The following CDC42BPA variants were observed in gnomAD, a reference collection of about 807,000 sequenced individuals.
CDC42BPA encodes CDC42 binding protein kinase alpha.
A neutral mutation model predicts 223.5 loss-of-function variants in CDC42BPA; 80 were observed. That is an observed-to-expected ratio of 0.36 (90% CI 0.30 to 0.43). CDC42BPA has a LOEUF of 0.43. Ranked by LOEUF, CDC42BPA falls within the 20% of genes least tolerant of loss-of-function variation. CDC42BPA has a pLI of 1.00. For synonymous variants in CDC42BPA, 694 were observed against 718.6 expected (o/e 0.97, Z 0.55); for missense variants, 1,743 against 2,099.9 (o/e 0.83, Z 3.32).
At chr1:227,137,219 T>G (rs1033651495) in intron 10 of CDC42BPA, among the ~76,000 whole-genome samples, 1 of 152,010 alleles carries the variant, frequency 6.6e-6, no homozygotes, top group African/African-American at 2.4e-5. Context: ...GAACCAAAAC[T>G]TCACAAGACT....
At position 227,154,014 on chromosome 1, in the gene CDC42BPA, G is replaced by A. The variant is rs78389271; in HGVS notation, c.694-6455C>T. Among the ~76,000 whole-genome samples the A allele has an allele frequency of 5.3e-3, 811 of 151,908 alleles. 7 individuals carry two copies. The highest frequency in any genetic ancestry group is 0.048 in the Middle Eastern group (14 of 294). ...TGACCAATGTCATGTATGAATGCCA[G>A]GTAACAATACTATATAAAATAGTAG... On this transcript the variant is annotated intron_variant, in intron 6 of 36. Coordinates refer to ENST00000366766, the MANE Select transcript of CDC42BPA (RefSeq NM_001394014.1).
At chr1:227,184,014 T>C (rs1040861575) in intron 5 of CDC42BPA, among the ~76,000 whole-genome samples, 5 of 152,196 alleles carry the variant, frequency 3.3e-5, no homozygotes, top group Admixed American at 6.5e-5. Flanking sequence ...GTGAAATGTC[T>C]ATTGTCTTTT....
chr1:227,054,282 A>C (rs1043850206), intron 21 of CDC42BPA, among the ~76,000 whole-genome samples: 3 of 152,180 alleles, frequency 2.0e-5, no homozygotes, highest in African/African-American at 7.2e-5. Context: ...TAAAAATGGG[A>C]AAGGCCAAGT....
At chr1:227,126,681 T>G (rs368961119) in intron 11 of CDC42BPA, among the ~76,000 whole-genome samples, 2 of 152,162 alleles carry the variant, frequency 1.3e-5, no homozygotes, top group Non-Finnish European at 2.9e-5. Context: ...GTATGGCTGG[T>G]TCAATACTTT....
At chr1:227,179,378 T>C (rs977349160) in intron 5 of CDC42BPA, among the ~76,000 whole-genome samples, 4 of 152,188 alleles carry the variant, frequency 2.6e-5, no homozygotes, top group Admixed American at 2.6e-4. Flanking sequence ...GGCTCACGCC[T>C]GTAATCCCAG....
intron 21 of CDC42BPA, among the ~76,000 whole-genome samples, chr1:227,057,860 T>G (rs73091755): frequency 0.15 from 22,865 of 152,156 alleles, 2,047 homozygotes; most frequent in African/African-American, 0.23. Flanking sequence ...GTTCTAGGTG[T>G]CCAAGGCCCC....
chr1:227,293,992 C>A (rs1000295369), intron 1 of CDC42BPA, among the ~76,000 whole-genome samples: 1 of 151,882 alleles, frequency 6.6e-6, no homozygotes, highest in African/African-American at 2.4e-5. Context: ...AAATTTTAGG[C>A]CAGGCACGGT....
chr1:227,125,102 A>G (rs1461396543), intron 11 of CDC42BPA, among the ~76,000 whole-genome samples: 1 of 152,158 alleles, frequency 6.6e-6, no homozygotes, highest in East Asian at 1.9e-4. Flanking sequence ...AAAAGCCCCA[A>G]CAAAAGCCTG....
intron 24 of CDC42BPA, among the ~76,000 whole-genome samples, chr1:227,038,555 C>A (rs999553748): frequency 6.6e-6 from 1 of 152,178 alleles, no homozygotes; most frequent in Admixed American, 6.5e-5. Flanking sequence ...AATAACAGCA[C>A]AAACAACAGC....
rs1428672617 is a variant in CDC42BPA, at chr1:227,094,137, G to C, written c.2250-2146C>G. ...TAAAGCATTTTGGCAATTTATATTG[G>C]AAGGAGTATGGGCAGCATACAGAAA... On this transcript the variant is annotated intron_variant, in intron 15 of 36. Coordinates refer to ENST00000366766, the MANE Select transcript of CDC42BPA (RefSeq NM_001394014.1). Among the ~76,000 whole-genome samples, 3 of 152,162 alleles carry C rather than the reference G, an allele frequency of 2.0e-5. No homozygotes were observed. In the East Asian group the frequency reaches 5.8e-4, roughly 29 times the overall value.
chr1:227,280,643 A>C (rs1159839274), intron 1 of CDC42BPA, among the ~76,000 whole-genome samples: 5 of 152,246 alleles, frequency 3.3e-5, no homozygotes, highest in Non-Finnish European at 7.3e-5. Context: ...AGACTATTAC[A>C]CTAAATTATC....
chr1:227,128,974 T>A (rs1656407975), intron 11 of CDC42BPA, 135 bp downstream of exon 11: 1 of 637,002 alleles, frequency 1.6e-6, no homozygotes, highest in Admixed American at 3.2e-5. Context: ...AACCCATTCT[T>A]ATTTGCCCTT....
chr1:227,197,420 C>T (rs1670937750), intron 4 of CDC42BPA, among the ~76,000 whole-genome samples: 1 of 152,118 alleles, frequency 6.6e-6, no homozygotes, highest in Admixed American at 6.5e-5. Flanking sequence ...TAGAGTGTTT[C>T]ATTCCTCCTC....
In CDC42BPA at chr1:227,243,771, C is replaced by T. The variant is rs1680412182; in HGVS notation, c.270+10293G>A. Among the ~76,000 whole-genome samples, 5 of 136,110 alleles carry T rather than the reference C, an allele frequency of 3.7e-5. No individual in the cohort carries two copies. In the South Asian group the frequency reaches 1.0e-3, roughly 29 times the overall value. The allele number at this position is 136,110 out of a possible 152,430, so 89.3% of individuals were successfully genotyped here. A position where few individuals can be genotyped will look rare whatever the true frequency, so the allele number is the denominator to read the frequency against. On this transcript the variant is annotated intron_variant, in intron 2 of 36. Transcript: ENST00000366766. ...AAAAGATTTGTCACACACACACACACACACACACACACACACACACACGTG... is the reference window on the plus strand; with the variant it reads ...AAAAGATTTGTCACACACACACACATACACACACACACACACACACACGTG...
intron 14 of CDC42BPA, among the ~76,000 whole-genome samples, chr1:227,106,737 T>G (rs1445945312): frequency 1.3e-5 from 2 of 152,208 alleles, no homozygotes; most frequent in African/African-American, 4.8e-5. Context: ...TGAGTTAATT[T>G]GTATAACTGG....
chr1:227,059,431 A>G, intron 21 of CDC42BPA: 1 of 1,555,132 alleles, frequency 6.4e-7, no homozygotes, highest in Non-Finnish European at 8.7e-7. Flanking sequence ...AGAAAGGAGA[A>G]TAGGACATGT....
chr1:227,281,750 C>G (rs1688048562), intron 1 of CDC42BPA, among the ~76,000 whole-genome samples: 2 of 152,164 alleles, frequency 1.3e-5, no homozygotes, highest in Non-Finnish European at 2.9e-5. Context: ...TGAGGCTGAG[C>G]AGAGGAGTGA....
At chr1:227,214,359 G>A (rs12402456) in intron 2 of CDC42BPA, among the ~76,000 whole-genome samples, 23,522 of 152,080 alleles carry the variant, frequency 0.15, 2,243 homozygotes, top group African/African-American at 0.25. Context: ...GTTATAAGTG[G>A]TTATAATGAC....
intron 34 of CDC42BPA, chr1:227,010,881 C>CA (rs747670233): frequency 7.3e-7 from 1 of 1,360,936 alleles, no homozygotes; most frequent in Non-Finnish European, 9.8e-7. Flanking sequence ...TTCATACCCT[C>CA]AGAGTCATAA....
Sources: gnomAD v4.1 joint callset for allele counts (sites outside exome capture counted in the v4.1 genomes callset) on GRCh38, gnomAD v4.1.1 for gene constraint, MANE v1.5 for transcripts, NCBI Gene and HGNC (gene_info 2026-07-23, HGNC 2026-07-21) for gene names.